The following FAM171A1 variants were observed in gnomAD, a reference collection of about 807,000 sequenced individuals.
The protein encoded by FAM171A1 is protein FAM171A1.
FAM171A1 carries 23 observed loss-of-function variants against 74.9 expected under a neutral mutation model. The ratio of observed to expected loss-of-function variants is 0.31; its 90% CI spans 0.22 to 0.44. FAM171A1 has a LOEUF of 0.44. FAM171A1 is among the 20% of genes least tolerant of loss of function. FAM171A1 has a pLI of 1.00. For missense variants in FAM171A1, 1,162 were observed against 1,159.2 expected (o/e 1.00, Z -0.03); for synonymous variants, 527 against 505.7 (o/e 1.04, Z -0.57).
At chr10:15,251,824 C>T (rs745605052) in intron 4 of FAM171A1, among the ~76,000 whole-genome samples, 19 of 152,166 alleles carry the variant, frequency 1.2e-4, no homozygotes, top group African/African-American at 3.1e-4. Context: ...TCATCCTTCC[C>T]GTTCCATCTG....
chr10:15,269,584 C>A (rs1460740801), intron 3 of FAM171A1, among the ~76,000 whole-genome samples: 1 of 152,124 alleles, frequency 6.6e-6, no homozygotes, highest in Admixed American at 6.6e-5. Flanking sequence ...GACATCACAA[C>A]CTGTGAGACA....
At chr10:15,309,363 A>T (rs1835332897) in intron 1 of FAM171A1, among the ~76,000 whole-genome samples, 1 of 152,042 alleles carries the variant, frequency 6.6e-6, no homozygotes, top group African/African-American at 2.4e-5. Flanking sequence ...ACACACCACC[A>T]TGTCTGGTTG....
At chr10:15,275,313 G>A (rs1393765446) in intron 3 of FAM171A1, among the ~76,000 whole-genome samples, 1 of 144,016 alleles carries the variant, frequency 6.9e-6, no homozygotes, top group Non-Finnish European at 1.5e-5. Context: ...TTGAGATGAA[G>A]TCTCACTCTG....
chr10:15,249,032 T>A (rs1342054906), intron 4 of FAM171A1, among the ~76,000 whole-genome samples: 1 of 151,808 alleles, frequency 6.6e-6, no homozygotes, highest in East Asian at 1.9e-4. Flanking sequence ...GTAGTAATGG[T>A]AGGTGGCCTA....
chr10:15,329,047 G>A (rs191338502), intron 1 of FAM171A1, among the ~76,000 whole-genome samples: 15 of 152,340 alleles, frequency 9.8e-5, no homozygotes, highest in Admixed American at 9.1e-4. Flanking sequence ...CGGGCAGTGG[G>A]TCACTGCTGC....
chr10:15,336,592 C>T (rs944213102), intron 1 of FAM171A1, among the ~76,000 whole-genome samples: 5 of 152,166 alleles, frequency 3.3e-5, no homozygotes, highest in South Asian at 2.1e-4. Flanking sequence ...ATAATCCACA[C>T]GGACTTATGA....
intron 1 of FAM171A1, among the ~76,000 whole-genome samples, chr10:15,352,748 A>AAT (rs1386780794): frequency 3.2e-4 from 49 of 152,338 alleles, no homozygotes; most frequent in African/African-American, 1.1e-3. Flanking sequence ...TTCTAAAGAG[A>AAT]ATACAAAGTG....
At chr10:15,225,355 G>A (rs1834091219) in intron 5 of FAM171A1, among the ~76,000 whole-genome samples, 1 of 152,176 alleles carries the variant, frequency 6.6e-6, no homozygotes, top group East Asian at 1.9e-4. Flanking sequence ...CTGGGATGCT[G>A]CCCTTTCAAA....
intron 5 of FAM171A1, 88 bp from the exon 6 acceptor site, chr10:15,221,148 C>T: frequency 8.8e-7 from 1 of 1,134,508 alleles, no homozygotes; most frequent in Non-Finnish European, 1.3e-6. Context: ...TCTTAAATAT[C>T]TTAAATGTCA....
chr10:15,265,374 G>A (rs1834725930), intron 3 of FAM171A1, among the ~76,000 whole-genome samples: 1 of 151,788 alleles, frequency 6.6e-6, no homozygotes, highest in Non-Finnish European at 1.5e-5. Flanking sequence ...AGTACTTTTG[G>A]AGTCCAGGGT....
chr10:15,305,585 T>A (rs1423436329), intron 1 of FAM171A1, among the ~76,000 whole-genome samples: 1 of 141,264 alleles, frequency 7.1e-6, no homozygotes, highest in Non-Finnish European at 1.5e-5. Context: ...GAAAATGGCT[T>A]GAGGTCAGGA....
intron 1 of FAM171A1, among the ~76,000 whole-genome samples, chr10:15,314,019 C>G (rs547650414): frequency 2.2e-4 from 33 of 152,324 alleles, no homozygotes; most frequent in African/African-American, 7.0e-4. Flanking sequence ...TTTCCTGAAG[C>G]CTTTTCTGTG....
chr10:15,225,765 G>A (rs368769295), intron 5 of FAM171A1, among the ~76,000 whole-genome samples: 5 of 152,270 alleles, frequency 3.3e-5, no homozygotes, highest in South Asian at 4.1e-4. Context: ...GACAGAGCAA[G>A]GGAGGAACCA....
At chr10:15,255,063 G>T (rs1339962679) in intron 3 of FAM171A1, among the ~76,000 whole-genome samples, 184 bp from the exon 4 acceptor site, 15 of 152,188 alleles carry the variant, frequency 9.9e-5, no homozygotes. Context: ...TATGGGGAGA[G>T]AAATAATAGC....
intron 6 of FAM171A1, among the ~76,000 whole-genome samples, chr10:15,217,639 ATTT>A (rs112034740): frequency 6.9e-6 from 1 of 145,276 alleles, no homozygotes; most frequent in Admixed American, 6.9e-5. Flanking sequence ...CAGAGAAACA[ATTT>A]TTTTTTTTTT....
At chr10:15,310,156 G>T (rs554904350) in intron 1 of FAM171A1, among the ~76,000 whole-genome samples, 1 of 152,174 alleles carries the variant, frequency 6.6e-6, no homozygotes, top group African/African-American at 2.4e-5. Flanking sequence ...ATGCCTGTGT[G>T]GGGGCAGGTG....
intron 1 of FAM171A1, among the ~76,000 whole-genome samples, chr10:15,362,954 T>C (rs1470501001): frequency 6.6e-6 from 1 of 152,144 alleles, no homozygotes; most frequent in Non-Finnish European, 1.5e-5. Context: ...ATGCAAAAAA[T>C]ATAATGCCCC....
intron 1 of FAM171A1, among the ~76,000 whole-genome samples, chr10:15,365,034 A>G (rs113656097): frequency 1.3e-5 from 2 of 152,168 alleles, no homozygotes; most frequent in Non-Finnish European, 2.9e-5. Flanking sequence ...GAATATGGAC[A>G]TTCTGGGGGC....
chr10:15,226,634 C>T (rs748631311), intron 5 of FAM171A1, among the ~76,000 whole-genome samples: 25 of 152,288 alleles, frequency 1.6e-4, no homozygotes, highest in Non-Finnish European at 3.1e-4. Flanking sequence ...ATCATTTCCT[C>T]CTGCTCTGTG....
Sources: allele counts gnomAD v4.1 joint callset (sites outside exome capture counted in the v4.1 genomes callset), GRCh38; gene constraint gnomAD v4.1.1; transcripts MANE v1.5; gene names NCBI Gene and HGNC (gene_info 2026-07-23, HGNC 2026-07-21).